Variants in TAOK1 observed in about 807,000 individuals in gnomAD.
TAOK1 encodes the protein TAO kinase 1.
TAOK1 carries 21 observed loss-of-function variants against 138.3 expected under a neutral mutation model. The observed-to-expected ratio is 0.15, with a 90% confidence interval of 0.11 to 0.22. TAOK1 has a LOEUF of 0.22. Ranked by LOEUF, TAOK1 falls within the 10% of genes least tolerant of loss-of-function variation. TAOK1 has a pLI of 1.00. For missense variants in TAOK1, 651 were observed against 1,227.7 expected (o/e 0.53, Z 7.02); for synonymous variants, 361 against 398.4 (o/e 0.91, Z 1.12).
At chr17:29,420,059 T>C (rs574557545) in intron 1 of TAOK1, among the ~76,000 whole-genome samples, 59 of 151,586 alleles carry the variant, frequency 3.9e-4, no homozygotes, top group African/African-American at 1.3e-3. Flanking sequence ...TTTTTTTTTT[T>C]CTTGAGATAG....
intron 1 of TAOK1, among the ~76,000 whole-genome samples, chr17:29,398,984 AT>A (rs529390776): frequency 0.034 from 4,656 of 138,334 alleles, 45 homozygotes; most frequent in Middle Eastern, 0.12. Context: ...CATTGAGATA[AT>A]TTTTTTTTTT....
rs1429873576 is a variant in TAOK1, at chr17:29,419,897, T to A, written c.-95+28873T>A. On this transcript the variant is annotated intron_variant, in intron 1 of 19. Transcript: ENST00000261716. ...ATTGTTTTTTTGTTTGTTTGTTTTT[T>A]GAGACAGGGTCTCACTCTGTTGCCC... Among the ~76,000 whole-genome samples the A allele has an allele frequency of 2.0e-5, 3 of 152,086 alleles. No homozygotes were observed. In the East Asian group the frequency reaches 5.8e-4, roughly 29 times the overall value.
At chr17:29,515,745 A>T (rs12603435) in intron 15 of TAOK1, among the ~76,000 whole-genome samples, 8 of 151,526 alleles carry the variant, frequency 5.3e-5, no homozygotes, top group African/African-American at 1.9e-4. Context: ...TGAGGCAGGA[A>T]AAATCACTGG....
At chr17:29,447,394 A>G (rs979830731) in intron 1 of TAOK1, among the ~76,000 whole-genome samples, 1 of 152,126 alleles carries the variant, frequency 6.6e-6, no homozygotes, top group Admixed American at 6.6e-5. Context: ...GGGCAATGGC[A>G]CAGTCTGCTC....
In TAOK1 at chr17:29,491,800, A is replaced by G; in HGVS notation, c.766A>G (p.Asn256Asp). 1 of 1,613,786 alleles carries G rather than the reference A, an allele frequency of 6.2e-7. No individual in the cohort carries two copies. Among genetic ancestry groups the G allele is most frequent in the Non-Finnish European group, 8.5e-7 (1 of 1,179,782 alleles). Reference protein sequence around the residue: ...QSNEWSDYFRNFVDSCLQKIP... With the variant: ...QSNEWSDYFRDFVDSCLQKIP... ...TTACAATAGGTCTGATTATTTTCGC[A>G]ACTTTGTAGATTCTTGCCTCCAGAA... The change falls in exon 10 of 20, where the codon AAC becomes GAC. Residue 256 changes from asparagine to aspartate, a missense_variant. By Grantham distance (23) the Asn-to-Asp change is conservative (BLOSUM62 1). Coordinates refer to ENST00000261716, the MANE Select transcript of TAOK1 (RefSeq NM_020791.4).
At chr17:29,502,830 G>A (rs768675674) in intron 13 of TAOK1, 107 bp downstream of exon 13, 34 of 1,243,122 alleles carry the variant, frequency 2.7e-5, no homozygotes, top group Non-Finnish European at 3.5e-5. Flanking sequence ...TTTATTTTAC[G>A]AAATACTCAT....
chr17:29,539,880 G>GA (rs1250504265), intron 19 of TAOK1, among the ~76,000 whole-genome samples: 1 of 151,878 alleles, frequency 6.6e-6, no homozygotes, highest in Non-Finnish European at 1.5e-5. Flanking sequence ...ACCCTGTCTC[G>GA]AAAAAAAGCA....
intron 2 of TAOK1, 69 bp downstream of exon 2, chr17:29,451,749 T>C (rs1393834290): frequency 3.9e-6 from 6 of 1,537,646 alleles, no homozygotes; most frequent in Non-Finnish European, 4.4e-6. Context: ...GAGCAAAATA[T>C]AGTAATGAAA....
chr17:29,471,755 G>GC (rs2030824110), intron 3 of TAOK1, among the ~76,000 whole-genome samples: 1 of 152,052 alleles, frequency 6.6e-6, no homozygotes, highest in Admixed American at 6.6e-5. Flanking sequence ...AGTGAAGTTT[G>GC]CCCATCAGTT....
intron 8 of TAOK1, among the ~76,000 whole-genome samples, chr17:29,482,626 C>T (rs1006649969): frequency 3.3e-5 from 5 of 151,682 alleles, no homozygotes; most frequent in Admixed American, 2.0e-4. Context: ...ATCTGTAAGC[C>T]ATTCATAACT....
At chr17:29,517,773 A>G (rs1423969988) in intron 16 of TAOK1, 117 bp downstream of exon 16, 11 of 880,904 alleles carry the variant, frequency 1.2e-5, no homozygotes, top group Middle Eastern at 2.4e-4. Flanking sequence ...TGTCTGAATC[A>G]TTCTTCCCCA....
chr17:29,442,682 G>GAT (rs2029976846), intron 1 of TAOK1, among the ~76,000 whole-genome samples: 1 of 152,094 alleles, frequency 6.6e-6, no homozygotes, highest in Admixed American at 6.6e-5. Flanking sequence ...AGTTTACTAG[G>GAT]AGTAGGTAAT....
rs929975133 is a variant in TAOK1, at chr17:29,546,055, C to T, written c.*3033C>T. 7.9e-5 allele frequency: 12 copies of T among 151,982 alleles called. No homozygotes were observed. Among genetic ancestry groups the T allele is most frequent in the Admixed American group, 5.9e-4 (9 of 15,252 alleles). 9.4% of individuals were successfully genotyped at this position (151,982 alleles called of 1,614,324 possible). ...TCCCTTCCCTTTGCACATATTTTTTCCTCCCCTTATTGAAGTCAGCTCTAA... is the reference window on the plus strand; with the variant it reads ...TCCCTTCCCTTTGCACATATTTTTTTCTCCCCTTATTGAAGTCAGCTCTAA... On this transcript the variant is annotated 3_prime_UTR_variant, in exon 20 of 20. Transcript: ENST00000261716.
chr17:29,436,261 G>A (rs945324742), intron 1 of TAOK1, among the ~76,000 whole-genome samples: 3 of 152,112 alleles, frequency 2.0e-5, no homozygotes, highest in African/African-American at 7.2e-5. Context: ...TTTTTTCTTA[G>A]GAATATACCT....
At chr17:29,415,666 A>T (rs1195747483) in intron 1 of TAOK1, among the ~76,000 whole-genome samples, 5 of 152,226 alleles carry the variant, frequency 3.3e-5, no homozygotes, top group African/African-American at 1.2e-4. Context: ...TAAACTTCTA[A>T]TTCTCAAAGA....
At position 29,489,646 on chromosome 17, in the gene TAOK1, G is replaced by A; in HGVS notation, c.656-18G>A. On this transcript the variant is annotated intron_variant, in intron 8 of 19. Coordinates refer to ENST00000261716, the MANE Select transcript of TAOK1 (RefSeq NM_020791.4). ...CCCTGGAACCTATTTTAACAGGAAT[G>A]TTTCCTTTCTTTTACAGCGGAAAGG... The A allele has an allele frequency of 2.5e-6, 4 of 1,570,542 alleles. No individual in the cohort carries two copies. Among genetic ancestry groups the A allele is most frequent in the Non-Finnish European group, 3.5e-6 (4 of 1,152,524 alleles).
At chr17:29,392,532 TAA>T (rs928965228) in intron 1 of TAOK1, among the ~76,000 whole-genome samples, 1 of 152,220 alleles carries the variant, frequency 6.6e-6, no homozygotes, top group Non-Finnish European at 1.5e-5. Context: ...TGAGTAGAAA[TAA>T]AAATTTAAAC....
intron 13 of TAOK1, among the ~76,000 whole-genome samples, chr17:29,504,276 C>CAAAAAAAAA (rs71138826): frequency 2.4e-5 from 1 of 40,842 alleles, no homozygotes; most frequent in Non-Finnish European, 4.4e-5. Context: ...GACCCTGTCT[C>CAAAAAAAAA]AAAAAAAAAA....
chr17:29,443,730 A>T (rs1402469770), intron 1 of TAOK1, among the ~76,000 whole-genome samples: 9 of 152,348 alleles, frequency 5.9e-5, no homozygotes, highest in Non-Finnish European at 7.3e-5. Flanking sequence ...TAGATAATTT[A>T]AAAAATGTAA....
Sources: allele counts gnomAD v4.1 joint callset (sites outside exome capture counted in the v4.1 genomes callset), GRCh38; gene constraint gnomAD v4.1.1; transcripts MANE v1.5; gene names NCBI Gene and HGNC (gene_info 2026-07-23, HGNC 2026-07-21).